Variants in DYNC1H1 observed in about 807,000 individuals in gnomAD.
DYNC1H1 encodes dynein cytoplasmic 1 heavy chain 1.
A neutral mutation model predicts 527.1 loss-of-function variants in DYNC1H1; 51 were observed. That is an observed-to-expected ratio of 0.10 (90% CI 0.08 to 0.12). DYNC1H1 has a LOEUF of 0.12. Ranked by LOEUF, DYNC1H1 falls within the 10% of genes least tolerant of loss-of-function variation. The probability of loss-of-function intolerance (pLI) is 1.00; values close to 1 mark genes in which losing one functional copy is unlikely to be tolerated. For missense variants in DYNC1H1, 2,771 were observed against 5,971.8 expected (o/e 0.46, Z 17.66); for synonymous variants, 2,189 against 2,278.8 (o/e 0.96, Z 1.12).
In DYNC1H1 at chr14:102,017,869, G is replaced by C; in HGVS notation, c.8177+365G>C. On this transcript the variant is annotated intron_variant, in intron 40 of 77. Transcript: ENST00000360184. The surrounding 1 kb of genome is among the most constrained non-coding windows in gnomAD (Gnocchi z 4.6). ...CGCCTGTAATCCCAGCACTTTGGGA[G>C]GCCGAAGCGGGCAGATCACGAGGTC... 1 of 343,660 alleles carries C rather than the reference G, an allele frequency of 2.9e-6. No individual in the cohort carries two copies. Among genetic ancestry groups the C allele is most frequent in the Non-Finnish European group, 5.6e-6 (1 of 177,670 alleles). The allele number at this position is 343,660 out of a possible 1,614,324, so 21.3% of individuals were successfully genotyped here.
Position 102,038,337 on chromosome 14 carries a change from C to T in DYNC1H1, c.10909-123C>T, listed in dbSNP as rs2152594628. 2 of 1,498,646 alleles carry T rather than the reference C, an allele frequency of 1.3e-6. No individual in the cohort carries two copies. Among genetic ancestry groups the T allele is most frequent in the Non-Finnish European group, 1.8e-6 (2 of 1,104,834 alleles). 92.8% of individuals were successfully genotyped at this position (1,498,646 alleles called of 1,614,324 possible). A position where few individuals can be genotyped will look rare whatever the true frequency, so the allele number is the denominator to read the frequency against. On this transcript the variant is annotated intron_variant, in intron 57 of 77. Transcript: ENST00000360184. The surrounding 1 kb of genome is among the most constrained non-coding windows in gnomAD (Gnocchi z 7.2). ...AGCCACACATAGCTAGTGGCCACCA[C>T]ACGCAAGTGGCGGGTGGCTTTTGGG...
rs17540860 is a variant in DYNC1H1 at position 101,992,612 on chromosome 14, C to T, written c.3015+939C>T. Among the ~76,000 whole-genome samples, 840 of 152,298 alleles carry T rather than the reference C, an allele frequency of 5.5e-3. 17 individuals are homozygous for T. Among genetic ancestry groups the T allele is most frequent in the East Asian group, 0.037 (189 of 5,170 alleles). ...CCCTCTCTTCTGGGTCTTCTTTCAG[C>T]ACCTAAACGGGACCCCATGTCCCCT... On this transcript the variant is annotated intron_variant, in intron 11 of 77. Coordinates refer to ENST00000360184, the MANE Select transcript of DYNC1H1 (RefSeq NM_001376.5).
Position 101,979,431 on chromosome 14 carries a change from A to C in DYNC1H1, c.457A>C (p.Ile153Leu), listed in dbSNP as rs140905741. The change falls in exon 3 of 78, where the codon ATT becomes CTT. Residue 153 changes from isoleucine to leucine, a missense_variant. Ile to Leu is a conservative substitution (Grantham distance 5). Coordinates refer to ENST00000360184, the MANE Select transcript of DYNC1H1 (RefSeq NM_001376.5). The surrounding 1 kb of genome is among the most constrained non-coding windows in gnomAD (Gnocchi z 4.6). ...DSPYETLHSF[I>L]SNAVAPFFKS... ...GCCCTACGAAACTTTGCATTCTTTC[A>C]TTAGCAATGCAGTGGCTCCTTTTTT... 3.1e-6 allele frequency: 5 copies of C among 1,614,072 alleles called. No homozygotes were observed. The African/African-American group carries it at 6.7e-5, about 22-fold the overall frequency.
Position 102,012,262 on chromosome 14 carries a change from A to G in DYNC1H1, c.6858-52A>G, listed in dbSNP as rs2048266556. 6.2e-7 allele frequency: 1 copy of G among 1,613,924 alleles called. No homozygotes were observed. The highest frequency in any genetic ancestry group is 8.5e-7 in the Non-Finnish European group (1 of 1,179,912). Reference sequence around the variant, plus strand: ...AAACCATCATCGGTAAACATGCCTAATGTTAAAATCTTGATTTAATCAGCA... The same window carrying G: ...AAACCATCATCGGTAAACATGCCTAGTGTTAAAATCTTGATTTAATCAGCA... On this transcript the variant is annotated intron_variant, in intron 33 of 77. Transcript: ENST00000360184. The surrounding 1 kb of genome is among the most constrained non-coding windows in gnomAD (Gnocchi z 4.9).
rs1419784206 is a variant in DYNC1H1, at chr14:102,048,629, G to A, written c.13332G>A (p.Gln4444=). The change falls in exon 74 of 78, where the codon CAG becomes CAA. Residue 4444 remains glutamine (Q), a synonymous_variant. Coordinates refer to ENST00000360184, the MANE Select transcript of DYNC1H1 (RefSeq NM_001376.5). The part of the protein sequence containing the change: ...VVQVCEGKKK[Q]TNYLRTLINE... ...AGGTGTGCGAAGGAAAGAAGAAGCA[G>A]ACCAACTACTTGCGCACGCTGATCA... is the stretch of plus-strand genomic sequence containing the variant. 1.2e-6 allele frequency: 2 copies of A among 1,613,998 alleles called. No homozygotes were observed. Among genetic ancestry groups the A allele is most frequent in the African/African-American group, 1.3e-5 (1 of 75,072 alleles).
chr14:101,994,207 T>G lies in DYNC1H1; in HGVS notation c.3039T>G (p.Thr1013=), dbSNP rs777197539. ...RYQVGVHYEL[T]EEEKFYRNAL... ...AGGTGGGTGTACATTACGAATTGAC[T>G]GAGGAAGAGAAATTCTATCGGAATG... Residue 1013 remains threonine (T), a synonymous_variant, in exon 12 of 78, where the codon ACT becomes ACG. Transcript: ENST00000360184. 1 of 1,614,220 alleles carries G rather than the reference T, an allele frequency of 6.2e-7. No homozygotes were observed. Among genetic ancestry groups the G allele is most frequent in the South Asian group, 1.1e-5 (1 of 91,082 alleles).
chr14:102,010,201 G>T lies in DYNC1H1; in HGVS notation c.6222-75G>T. ...ACGTCTTTCAAAATATCCATCTCTG[G>T]TTTCTTGACACTTGACCCTATTATT... On this transcript the variant is annotated intron_variant, in intron 30 of 77. Transcript: ENST00000360184. The surrounding 1 kb of genome is among the most constrained non-coding windows in gnomAD (Gnocchi z 6.0). The T allele has an allele frequency of 6.2e-7, 1 of 1,612,414 alleles. No homozygotes were observed. The highest frequency in any genetic ancestry group is 1.1e-5 in the South Asian group (1 of 90,824).
intron 52 of DYNC1H1, chr14:102,032,790 C>G: frequency 1.8e-6 from 1 of 564,046 alleles, no homozygotes; most frequent in Non-Finnish European, 3.1e-6. Flanking sequence ...GGGATCAAGG[C>G]TTCAGTGAAC....
chr14:101,991,425 A>G (rs1180277284), intron 10 of DYNC1H1, 102 bp from the exon 11 acceptor site: 8 of 1,450,810 alleles, frequency 5.5e-6, no homozygotes, highest in African/African-American at 1.4e-5. Flanking sequence ...AGGTTGTGCC[A>G]TTACACTGCA....
chr14:102,045,530 G>C (rs1211173723), intron 72 of DYNC1H1, among the ~76,000 whole-genome samples: 1 of 152,048 alleles, frequency 6.6e-6, no homozygotes, highest in African/African-American at 2.4e-5. Flanking sequence ...AGAATCTCTT[G>C]AACCCGGGAG....
rs1277006617 is a variant in DYNC1H1, at chr14:102,016,092, G to A, written c.7473+6G>A. The A allele has an allele frequency of 5.0e-6, 8 of 1,595,880 alleles. No homozygotes were observed. The highest frequency in any genetic ancestry group is 1.3e-5 in the African/African-American group (1 of 74,320). The stretch of plus-strand genomic sequence containing the variant: ...AGCTGGAGCGCTACATTCAGGTCAG[G>A]GGGCATCAGGGGCTTCACAGAGCTC... On this transcript the variant is annotated splice_donor_region_variant and intron_variant, in intron 36 of 77. Transcript: ENST00000360184. The surrounding 1 kb of genome is among the most constrained non-coding windows in gnomAD (Gnocchi z 7.3).
chr14:102,036,453 G>A lies in DYNC1H1; in HGVS notation c.10755-36G>A. ...CGTGATCCTGTGCTTTCCCCATTCG[G>A]TGTTTCAACCTTCTCTTCTGTGGCC... On this transcript the variant is annotated intron_variant, in intron 56 of 77. Transcript: ENST00000360184. This position sits in a 1 kb window ranked among gnomAD's most constrained non-coding sequence, Gnocchi z 5.6. 1.2e-6 allele frequency: 2 copies of A among 1,611,976 alleles called. No individual in the cohort carries two copies. The highest frequency in any genetic ancestry group is 1.7e-6 in the Non-Finnish European group (2 of 1,179,382).
Position 102,030,378 on chromosome 14 carries a change from C to G in DYNC1H1, c.9883+96C>G. On this transcript the variant is annotated intron_variant, in intron 51 of 77. Transcript: ENST00000360184. ...GTCACTGAACATTGCACATATGCTT[C>G]CCTCAAAGGTTCTGGTTTCCAAAAA... 3 of 1,581,792 alleles carry G rather than the reference C, an allele frequency of 1.9e-6. 1 individual carries two copies. In the South Asian group the frequency reaches 3.4e-5, roughly 18 times the overall value.
intron 16 of DYNC1H1, among the ~76,000 whole-genome samples, chr14:101,998,879 C>CTTTTTTTTTTG (rs1470140199): frequency 0.02 from 2,263 of 115,192 alleles, 93 homozygotes; most frequent in African/African-American, 0.062. Flanking sequence ...AAAACTTTTT[C>CTTTTTTTTTTG]TTTTTTTTTT....
At chr14:102,045,241 T>TG (rs1424230838) in intron 72 of DYNC1H1, 1 of 184,122 alleles carries the variant, frequency 5.4e-6, no homozygotes, top group Non-Finnish European at 1.1e-5. Context: ...AGATGGAGGT[T>TG]GCAGTGAGCC....
chr14:102,033,560 T>C lies in DYNC1H1; in HGVS notation c.10413+76T>C. On this transcript the variant is annotated intron_variant, in intron 54 of 77. Coordinates refer to ENST00000360184, the MANE Select transcript of DYNC1H1 (RefSeq NM_001376.5). This position sits in a 1 kb window ranked among gnomAD's most constrained non-coding sequence, Gnocchi z 5.6. ...TTAACACACTTCAACATGCGCTGCA[T>C]GCACCATGCTGGCCTCGGTGAATTC... 6.4e-7 allele frequency: 1 copy of C among 1,566,188 alleles called. No homozygotes were observed. Among genetic ancestry groups the C allele is most frequent in the Non-Finnish European group, 8.7e-7 (1 of 1,149,296 alleles).
rs777685623 is a variant in DYNC1H1 at position 102,017,689 on chromosome 14, G to T, written c.8177+185G>T. 1.0e-5 allele frequency: 12 copies of T among 1,173,796 alleles called. No homozygotes were observed. Among genetic ancestry groups the T allele is most frequent in the Non-Finnish European group, 1.4e-5 (12 of 830,950 alleles). The allele number at this position is 1,173,796 out of a possible 1,614,324, so 72.7% of individuals were successfully genotyped here. A position where few individuals can be genotyped will look rare whatever the true frequency, so the allele number is the denominator to read the frequency against. On this transcript the variant is annotated intron_variant, in intron 40 of 77. Coordinates refer to ENST00000360184, the MANE Select transcript of DYNC1H1 (RefSeq NM_001376.5). This position sits in a 1 kb window ranked among gnomAD's most constrained non-coding sequence, Gnocchi z 4.6. ...CATGTTAAAAATAAAAGCATTGGCC[G>T]GGCGCAGTGGCTTACGCCTATAATC...
Position 102,049,990 on chromosome 14 carries a change from G to A in DYNC1H1, c.13685-81G>A, listed in dbSNP as rs1235837666. On this transcript the variant is annotated intron_variant, in intron 76 of 77. Coordinates refer to ENST00000360184, the MANE Select transcript of DYNC1H1 (RefSeq NM_001376.5). The surrounding 1 kb of genome is among the most constrained non-coding windows in gnomAD (Gnocchi z 5.5). Reference sequence around the variant, plus strand: ...TAGGGTGACCGGCTGGCAGTTGGGTGGAGCCTCTGGGCGCCCTGTGACTGG... The same window carrying A: ...TAGGGTGACCGGCTGGCAGTTGGGTAGAGCCTCTGGGCGCCCTGTGACTGG... 5 of 1,614,018 alleles carry A rather than the reference G, an allele frequency of 3.1e-6. No homozygotes were observed. The African/African-American group carries it at 6.7e-5, about 22-fold the overall frequency.
At chr14:101,977,655 T>C (rs1403885025) in intron 2 of DYNC1H1, among the ~76,000 whole-genome samples, 1 of 152,208 alleles carries the variant, frequency 6.6e-6, no homozygotes, top group Non-Finnish European at 1.5e-5. Flanking sequence ...CACTTTGGTT[T>C]CTTGTCACTC....
Sources: allele counts gnomAD v4.1 joint callset (sites outside exome capture counted in the v4.1 genomes callset), GRCh38; gene constraint gnomAD v4.1.1; non-coding constraint Gnocchi (gnomAD v3.1); transcripts MANE v1.5; gene names NCBI Gene and HGNC (gene_info 2026-07-23, HGNC 2026-07-21).